PRKCB: variants seen among roughly 807,000 people sequenced by gnomAD.
The protein encoded by PRKCB is protein kinase C beta, also known as protein kinase C beta type.
PRKCB carries 13 observed loss-of-function variants against 81.5 expected under a neutral mutation model. The observed-to-expected ratio is 0.16, with a 90% CI of 0.10 to 0.25. PRKCB has a LOEUF of 0.25. Ranked by LOEUF, PRKCB falls within the 10% of genes least tolerant of loss-of-function variation. The pLI is 1.00. For missense variants in PRKCB, 509 were observed against 875.7 expected (o/e 0.58, Z 5.29); for synonymous variants, 335 against 321.4 (o/e 1.04, Z -0.45).
intron 2 of PRKCB, among the ~76,000 whole-genome samples, chr16:23,840,593 G>A (rs1962247239): frequency 6.6e-6 from 1 of 152,156 alleles, no homozygotes; most frequent in African/African-American, 2.4e-5. Flanking sequence ...CCACTATTTA[G>A]AGGATGTTTC....
intron 4 of PRKCB, 144 bp downstream of exon 4, chr16:24,032,391 A>G (rs1388479592): frequency 1.7e-6 from 1 of 578,014 alleles, no homozygotes; most frequent in Non-Finnish European, 3.0e-6. Context: ...GTTGCTGCAT[A>G]ATGATCCTCC....
chr16:23,902,441 G>A (rs1316379329), intron 2 of PRKCB, among the ~76,000 whole-genome samples: 9 of 152,158 alleles, frequency 5.9e-5, no homozygotes, highest in Admixed American at 2.6e-4. Flanking sequence ...AATTAAGTTA[G>A]TATAATACTT....
intron 2 of PRKCB, among the ~76,000 whole-genome samples, chr16:23,901,624 TTGG>T (rs1462323008): frequency 6.6e-6 from 1 of 152,038 alleles, no homozygotes; most frequent in Non-Finnish European, 1.5e-5. Context: ...AAATGGGAAG[TTGG>T]GTTAATTCTA....
intron 8 of PRKCB, among the ~76,000 whole-genome samples, chr16:24,115,977 G>A (rs1966733431): frequency 6.7e-6 from 1 of 150,160 alleles, no homozygotes; most frequent in Non-Finnish European, 1.5e-5. Context: ...CGTCTGCCTC[G>A]GCCTCCCAAG....
chr16:24,206,314 C>T (rs1353611634), intron 16 of PRKCB, among the ~76,000 whole-genome samples: 1 of 152,214 alleles, frequency 6.6e-6, no homozygotes, highest in African/African-American at 2.4e-5. Context: ...AGGAACGACC[C>T]TGCATTTCAC....
chr16:24,131,454 C>T (rs1009816965), intron 9 of PRKCB, among the ~76,000 whole-genome samples: 17 of 152,248 alleles, frequency 1.1e-4, no homozygotes, highest in Non-Finnish European at 2.4e-4. Flanking sequence ...GTGACACTCT[C>T]CAAGATGCTG....
intron 13 of PRKCB, among the ~76,000 whole-genome samples, chr16:24,183,350 A>T (rs1313849431): frequency 6.6e-6 from 1 of 152,210 alleles, no homozygotes; most frequent in Non-Finnish European, 1.5e-5. Context: ...TGGTAAAAAC[A>T]CTTAAAAATC....
intron 7 of PRKCB, among the ~76,000 whole-genome samples, chr16:24,108,283 A>T (rs12935611): frequency 1.4e-4 from 16 of 116,278 alleles, no homozygotes; most frequent in Middle Eastern, 4.6e-3. Context: ...TTATTTATTT[A>T]TTTTTTTTAT....
At chr16:24,127,425 TA>T (rs1176707613) in intron 9 of PRKCB, among the ~76,000 whole-genome samples, 5 of 152,250 alleles carry the variant, frequency 3.3e-5, no homozygotes, top group African/African-American at 9.6e-5. Context: ...CACTTACTGC[TA>T]CTGCTTTCCC....
At chr16:24,005,319 C>T (rs1429410763) in intron 3 of PRKCB, among the ~76,000 whole-genome samples, 1 of 152,014 alleles carries the variant, frequency 6.6e-6, no homozygotes, top group East Asian at 1.9e-4. Context: ...AGGCCACATT[C>T]CCTAAATAAA....
At chr16:24,034,328 C>T (rs1965586118) in intron 4 of PRKCB, among the ~76,000 whole-genome samples, 1 of 152,164 alleles carries the variant, frequency 6.6e-6, no homozygotes, top group Non-Finnish European at 1.5e-5. Context: ...TCCCTTGCCC[C>T]CAGATCCCTT....
chr16:23,852,533 G>A (rs931654311), intron 2 of PRKCB, among the ~76,000 whole-genome samples: 1 of 151,848 alleles, frequency 6.6e-6, no homozygotes, highest in Non-Finnish European at 1.5e-5. Context: ...ATTTTGTTGA[G>A]GATTTTTCCA....
At chr16:23,878,455 C>T (rs1963051366) in intron 2 of PRKCB, among the ~76,000 whole-genome samples, 1 of 152,202 alleles carries the variant, frequency 6.6e-6, no homozygotes, top group Admixed American at 6.5e-5. Flanking sequence ...GATAGCACTT[C>T]ACCATTACCC....
chr16:24,037,124 G>C (rs13338594), intron 5 of PRKCB, among the ~76,000 whole-genome samples: 16,366 of 152,072 alleles, frequency 0.11, 1,113 homozygotes, highest in African/African-American at 0.18. Context: ...GAGTAGCTGG[G>C]ATTACAGGCG....
At chr16:23,946,312 C>T (rs76702379) in intron 2 of PRKCB, among the ~76,000 whole-genome samples, 236 of 152,252 alleles carry the variant, frequency 1.6e-3, no homozygotes, top group African/African-American at 5.5e-3. Flanking sequence ...CTAAAGAGAC[C>T]ACCCAAAGAA....
intron 2 of PRKCB, among the ~76,000 whole-genome samples, chr16:23,942,534 G>A (rs1292857136): frequency 4.6e-5 from 7 of 152,140 alleles, no homozygotes; most frequent in Non-Finnish European, 1.0e-4. Context: ...ATAGCAACTC[G>A]ATTCAAATTT....
At chr16:24,161,796 T>C (rs1967260573) in intron 10 of PRKCB, among the ~76,000 whole-genome samples, 1 of 152,164 alleles carries the variant, frequency 6.6e-6, no homozygotes, top group African/African-American at 2.4e-5. Context: ...GAATAAAATA[T>C]AATAAACATG....
chr16:24,022,735 C>A (rs546991868), intron 3 of PRKCB, among the ~76,000 whole-genome samples: 3 of 152,182 alleles, frequency 2.0e-5, no homozygotes, highest in African/African-American at 7.2e-5. Flanking sequence ...CCTCGTGATC[C>A]GCCTGCCTCG....
At position 24,132,795 on chromosome 16, in the gene PRKCB, T is replaced by TTTC. The variant is rs1567386726; in HGVS notation, c.1065+8814_1065+8815insTTC. On this transcript the variant is annotated intron_variant, in intron 9 of 16. Transcript: ENST00000643927. ...GCTTTTTTTTTTTTTTTTTTTTTCT[T>TTTC]CTAGAGACAGGGTCTCACTCTGTCA... 2.0e-3 allele frequency among the ~76,000 whole-genome samples: 275 copies of TTTC among 138,956 alleles called. 2 individuals carry two copies. Among genetic ancestry groups the TTTC allele is most frequent in the African/African-American group, 7.5e-3 (267 of 35,836 alleles). The allele number at this position is 138,956 out of a possible 152,430, so 91.2% of individuals were successfully genotyped here.
Sources: allele counts gnomAD v4.1 joint callset (sites outside exome capture counted in the v4.1 genomes callset), GRCh38; gene constraint gnomAD v4.1.1; transcripts MANE v1.5; gene names NCBI Gene and HGNC (gene_info 2026-07-23, HGNC 2026-07-21).